Variants in NEBL observed in about 807,000 individuals in gnomAD.
NEBL encodes LIM and SH3 protein 2.
Under a neutral mutation model 140.2 loss-of-function variants are expected in NEBL, and 122 were observed. The ratio of observed to expected loss-of-function variants is 0.87; its 90% confidence interval spans 0.75 to 1.01. The LOEUF is 1.01. NEBL is among the 50% of genes least tolerant of loss of function. The pLI is 0.00. For synonymous variants in NEBL, 436 were observed against 398.9 expected, an observed-to-expected ratio of 1.09 and a Z score of -1.11; for missense variants, 1,365 against 1,231.3, an observed-to-expected ratio of 1.11 and a Z score of -1.62.
At chr10:21,061,611 T>C (rs1393297248) in intron 2 of NEBL, among the ~76,000 whole-genome samples, 2 of 151,234 alleles carry the variant, frequency 1.3e-5, no homozygotes, top group African/African-American at 4.9e-5. Flanking sequence ...TTATCTGACG[T>C]TGGGATGAGC....
intron 2 of NEBL, among the ~76,000 whole-genome samples, chr10:21,037,192 C>A (rs375252960): frequency 6.8e-6 from 1 of 147,392 alleles, no homozygotes; most frequent in African/African-American, 2.5e-5. Flanking sequence ...AACAAGCAGC[C>A]AGCGACCATC....
intron 3 of NEBL, among the ~76,000 whole-genome samples, chr10:20,986,202 G>A (rs542947532): frequency 6.6e-6 from 1 of 152,020 alleles, no homozygotes; most frequent in Non-Finnish European, 1.5e-5. Flanking sequence ...AATATAACCA[G>A]GAAATATCAT....
At chr10:21,025,858 A>C (rs1839005666) in intron 2 of NEBL, among the ~76,000 whole-genome samples, 1 of 152,170 alleles carries the variant, frequency 6.6e-6, no homozygotes. Context: ...AGTCATTTGA[A>C]ACCATTTGTG....
intron 4 of NEBL, among the ~76,000 whole-genome samples, chr10:20,949,292 G>A (rs990944814): frequency 1.3e-5 from 2 of 152,102 alleles, no homozygotes; most frequent in Non-Finnish European, 2.9e-5. Flanking sequence ...ACTAGGGCCT[G>A]TTGGGGGATG....
At chr10:20,932,873 T>C (rs1834264318) in intron 4 of NEBL, among the ~76,000 whole-genome samples, 1 of 152,278 alleles carries the variant, frequency 6.6e-6, no homozygotes, top group African/African-American at 2.4e-5. Context: ...CAAATGTTCA[T>C]GCATATGCAT....
At chr10:21,176,096 A>C (rs1841294715), upstream of NEBL, among the ~76,000 whole-genome samples, 3 of 151,802 alleles carry the variant, frequency 2.0e-5, no homozygotes, top group African/African-American at 7.3e-5. Flanking sequence ...TCGACCTCCC[A>C]GGCTCAGGTG....
chr10:21,165,641 C>T (rs1564533200), intron 2 of NEBL, among the ~76,000 whole-genome samples: 1 of 152,176 alleles, frequency 6.6e-6, no homozygotes. Flanking sequence ...CGTCTACGTG[C>T]CAGGCTTGGG....
rs535820234 is a variant in NEBL, at chr10:21,120,259, C to G, written c.164+52124G>C. 3.8e-4 allele frequency among the ~76,000 whole-genome samples: 58 copies of G among 150,784 alleles called. 1 individual carries two copies. In the South Asian group the frequency reaches 8.2e-3, roughly 21 times the overall value. On this transcript the variant is annotated intron_variant, in intron 2 of 6. Transcript: ENST00000417816. ...GCATGATGGCATGTGCCTATATCCC[C>G]AGCTACTCTGGAGGCTGAGATAGAA...
chr10:20,818,949 C>T (rs759366696), intron 20 of NEBL: 18 of 964,698 alleles, frequency 1.9e-5, no homozygotes, highest in African/African-American at 7.1e-5. Flanking sequence ...TTATCATCAT[C>T]GTTATTATTG....
intron 3 of NEBL, among the ~76,000 whole-genome samples, chr10:21,018,980 C>T (rs568050516): frequency 1.6e-4 from 25 of 152,086 alleles, no homozygotes; most frequent in African/African-American, 5.8e-4. Context: ...TGAGCCGAGA[C>T]GGCACCACTG....
intron 4 of NEBL, among the ~76,000 whole-genome samples, chr10:20,948,639 C>T (rs1202178654): frequency 6.6e-6 from 1 of 152,110 alleles, no homozygotes; most frequent in Non-Finnish European, 1.5e-5. Flanking sequence ...CTGGAGGACA[C>T]AAAAAGGTTC....
chr10:21,090,808 C>A (rs71486484), intron 2 of NEBL, among the ~76,000 whole-genome samples: 2,648 of 152,240 alleles, frequency 0.017, 32 homozygotes, highest in Middle Eastern at 0.044. Context: ...CCCTGCTGTT[C>A]ACTTCCTGTT....
At chr10:21,260,931 C>T (rs1197113517) in intron 1 of NEBL, among the ~76,000 whole-genome samples, 2 of 152,186 alleles carry the variant, frequency 1.3e-5, no homozygotes, top group Admixed American at 6.5e-5. Flanking sequence ...GATACTTAAA[C>T]CTCATGGTGG....
At chr10:20,888,069 A>G (rs1356466038) in intron 4 of NEBL, 28 bp downstream of exon 4, 1 of 1,453,924 alleles carries the variant, frequency 6.9e-7, no homozygotes, top group South Asian at 1.1e-5. Context: ...TATCTACAAA[A>G]TCATGAAACA....
intron 26 of NEBL, among the ~76,000 whole-genome samples, chr10:20,794,889 A>C (rs1588615194): frequency 6.6e-6 from 1 of 152,156 alleles, no homozygotes; most frequent in African/African-American, 2.4e-5. Flanking sequence ...AGGATGTCAC[A>C]TGCTTTAGTT....
chr10:20,840,902 G>A, intron 12 of NEBL, 53 bp from the exon 13 acceptor site: 1 of 1,016,892 alleles, frequency 9.8e-7, no homozygotes, highest in Non-Finnish European at 1.5e-6. Flanking sequence ...ACTTTATTCA[G>A]TGTGCTATTC....
At chr10:21,094,755 C>T (rs183491937) in intron 2 of NEBL, among the ~76,000 whole-genome samples, 3 of 152,238 alleles carry the variant, frequency 2.0e-5, no homozygotes, top group Non-Finnish European at 4.4e-5. Flanking sequence ...TTACAGACTC[C>T]TGTTAACATC....
rs960061675 is a variant in NEBL at position 21,015,802 on chromosome 10, A to G, written c.249+4315T>C. ...TGCTGGGATTACAGGCATAAGCCAC[A>G]GCACCCGGCTAGAAATTTCTTTTTT... On this transcript the variant is annotated intron_variant, in intron 3 of 6. Coordinates refer to the NEBL transcript ENST00000417816. Among the ~76,000 whole-genome samples the G allele has an allele frequency of 3.9e-5, 6 of 152,326 alleles. No individual in the cohort carries two copies. In the East Asian group the frequency reaches 1.2e-3, roughly 29 times the overall value.
At chr10:20,789,966 T>C (rs994047570) in intron 26 of NEBL, among the ~76,000 whole-genome samples, 16 of 150,986 alleles carry the variant, frequency 1.1e-4, no homozygotes, top group African/African-American at 3.9e-4. Context: ...TATATATATA[T>C]ATACACACAC....
Sources: allele counts gnomAD v4.1 joint callset (sites outside exome capture counted in the v4.1 genomes callset), GRCh38; gene constraint gnomAD v4.1.1; transcripts MANE v1.5; gene names NCBI Gene and HGNC (gene_info 2026-07-23, HGNC 2026-07-21).